Variants in TASP1 observed in about 807,000 individuals in gnomAD.
The protein encoded by TASP1 is threonine aspartase 1.
TASP1 carries 16 observed loss-of-function variants against 56.6 expected under a neutral mutation model. The observed-to-expected ratio is 0.28, with a 90% CI of 0.19 to 0.43. TASP1 has a LOEUF of 0.43. TASP1 is among the 20% of genes least tolerant of loss of function. The probability of loss-of-function intolerance (pLI) is 1.00; values close to 1 mark genes in which losing one functional copy is unlikely to be tolerated. For missense variants in TASP1, 393 were observed against 511.6 expected (o/e 0.77, Z 2.24); for synonymous variants, 179 against 184.2 (o/e 0.97, Z 0.23).
intron 12 of TASP1, among the ~76,000 whole-genome samples, chr20:13,427,783 A>G (rs2042668546): frequency 6.6e-6 from 1 of 152,192 alleles, no homozygotes; most frequent in Non-Finnish European, 1.5e-5. Context: ...TTAAAAATAT[A>G]TTAAACATTT....
chr20:13,217,754 A>G, the TASP1 span, among the ~76,000 whole-genome samples: 2 of 152,240 alleles, frequency 1.3e-5, no homozygotes, highest in African/African-American at 2.4e-5. Flanking sequence ...TGTGCAAGGC[A>G]TTGTCTCAAA....
chr20:13,386,155 C>T (rs900690309), downstream of TASP1, among the ~76,000 whole-genome samples: 25 of 152,166 alleles, frequency 1.6e-4, no homozygotes, highest in Non-Finnish European at 1.3e-4. Context: ...ATGTACTGGG[C>T]ATCATTAGGC....
At chr20:13,442,134 T>C (rs1056256642) in intron 11 of TASP1, among the ~76,000 whole-genome samples, 8 of 152,020 alleles carry the variant, frequency 5.3e-5, no homozygotes, top group Non-Finnish European at 7.4e-5. Context: ...TGGCTCCCTT[T>C]CCCCCCATAA....
At chr20:13,307,746 A>G in the TASP1 span, among the ~76,000 whole-genome samples, 2 of 152,202 alleles carry the variant, frequency 1.3e-5, no homozygotes, top group African/African-American at 4.8e-5. Context: ...AAATTCTTCC[A>G]TATCGCTGCT....
the TASP1 span, among the ~76,000 whole-genome samples, chr20:13,333,519 AT>A: frequency 2.9e-3 from 436 of 152,310 alleles, 1 homozygote; most frequent in African/African-American, 0.01. Context: ...TTAAATAAAA[AT>A]ATTCACGTTT....
At chr20:13,111,122 T>C in the TASP1 span, among the ~76,000 whole-genome samples, 2 of 151,984 alleles carry the variant, frequency 1.3e-5, no homozygotes, top group Admixed American at 1.3e-4. Flanking sequence ...AGAAGCTTGG[T>C]TTCATTTTAT....
At chr20:13,410,515 G>A (rs1241513577) in intron 13 of TASP1, among the ~76,000 whole-genome samples, 2 of 152,106 alleles carry the variant, frequency 1.3e-5, no homozygotes. Context: ...TTTAATAACT[G>A]CTATTCCAAG....
intron 10 of TASP1, among the ~76,000 whole-genome samples, chr20:13,511,022 T>C (rs760176757): frequency 2.0e-4 from 31 of 152,076 alleles, no homozygotes; most frequent in Admixed American, 1.2e-3. Flanking sequence ...ACATAACCCA[T>C]ACGCATGTCC....
intron 4 of TASP1, among the ~76,000 whole-genome samples, chr20:13,589,126 C>T (rs1201298443): frequency 2.6e-4 from 37 of 141,834 alleles, no homozygotes; most frequent in African/African-American, 7.7e-4. Context: ...GGTGTGATCT[C>T]GGCTCACTGC....
the TASP1 span, among the ~76,000 whole-genome samples, chr20:13,305,363 T>C: frequency 6.6e-6 from 1 of 152,086 alleles, no homozygotes; most frequent in African/African-American, 2.4e-5. Context: ...ACACTTGGAG[T>C]GGGACTGCTC....
intron 13 of TASP1, among the ~76,000 whole-genome samples, chr20:13,411,064 A>C (rs1403304930): frequency 6.6e-6 from 1 of 152,170 alleles, no homozygotes; most frequent in Non-Finnish European, 1.5e-5. Flanking sequence ...TAATTTTCCC[A>C]GCAGCATTTA....
At chr20:13,380,209 T>A in the TASP1 span, among the ~76,000 whole-genome samples, 4,388 of 152,338 alleles carry the variant, frequency 0.029, 207 homozygotes, top group African/African-American at 0.097. Context: ...TCTTTGTGGA[T>A]TTATCTACCT....
the TASP1 span, among the ~76,000 whole-genome samples, chr20:13,240,072 C>A: frequency 6.6e-6 from 1 of 152,166 alleles, no homozygotes; most frequent in South Asian, 2.1e-4. Flanking sequence ...AACCAAACTG[C>A]AGTAAGGCAA....
intron 4 of TASP1, among the ~76,000 whole-genome samples, chr20:13,611,454 A>ATTTTTTT (rs1332267798): frequency 6.6e-6 from 1 of 152,196 alleles, no homozygotes; most frequent in Non-Finnish European, 1.5e-5. Flanking sequence ...TTTTTTGAAA[A>ATTTTTTT]GTCTAGTTTG....
At chr20:13,277,341 T>C in the TASP1 span, among the ~76,000 whole-genome samples, 418 of 152,322 alleles carry the variant, frequency 2.7e-3, 4 homozygotes, top group African/African-American at 9.7e-3. Flanking sequence ...AATTGTGGGC[T>C]TGCCTGGCTC....
At chr20:13,201,285 A>T in the TASP1 span, among the ~76,000 whole-genome samples, 1 of 152,106 alleles carries the variant, frequency 6.6e-6, no homozygotes, top group African/African-American at 2.4e-5. Flanking sequence ...TGGAAAAGAG[A>T]TGATAGAGAC....
intron 4 of TASP1, among the ~76,000 whole-genome samples, chr20:13,605,678 T>TA (rs1310048642): frequency 4.0e-5 from 6 of 150,642 alleles, no homozygotes; most frequent in Non-Finnish European, 5.9e-5. Context: ...GACCTTTCTC[T>TA]AAAAAAAAAT....
the TASP1 span, among the ~76,000 whole-genome samples, chr20:13,378,897 C>A: frequency 6.6e-6 from 1 of 152,064 alleles, no homozygotes; most frequent in African/African-American, 2.4e-5. Flanking sequence ...GATTGCCACC[C>A]CTGCTTTATT....
chr20:13,446,645 C>A (rs1192015436), intron 11 of TASP1, among the ~76,000 whole-genome samples: 1 of 151,982 alleles, frequency 6.6e-6, no homozygotes, highest in Non-Finnish European at 1.5e-5. Context: ...TGTCACTTAG[C>A]CCTAAAAAAA....
Sources: allele counts gnomAD v4.1 joint callset (sites outside exome capture counted in the v4.1 genomes callset), GRCh38; gene constraint gnomAD v4.1.1; transcripts MANE v1.5; gene names NCBI Gene and HGNC (gene_info 2026-07-23, HGNC 2026-07-21).